CAMTA1: variants seen among roughly 807,000 people sequenced by gnomAD.
CAMTA1 encodes the protein calmodulin binding transcription activator 1.
CAMTA1 carries 27 observed loss-of-function variants against 170.9 expected under a neutral mutation model. The observed-to-expected ratio is 0.16, with a 90% CI of 0.12 to 0.22. CAMTA1 has a LOEUF of 0.22. Ranked by LOEUF, CAMTA1 falls within the 10% of genes least tolerant of loss-of-function variation. The pLI is 1.00. For synonymous variants in CAMTA1, 833 were observed against 891.5 expected (o/e 0.93, Z 1.17); for missense variants, 1,619 against 2,217.2 (o/e 0.73, Z 5.42).
chr1:7,726,437 T>C (rs79961838), intron 11 of CAMTA1, among the ~76,000 whole-genome samples: 3,474 of 149,376 alleles, frequency 0.023, 144 homozygotes, highest in African/African-American at 0.08. Context: ...TAGGGTATCA[T>C]TGCAACTAAC....
In CAMTA1 at chr1:7,281,799, TTGTGTGTGTGTGTG is replaced by T. The variant is rs57489369; in HGVS notation, c.438+32205_438+32218del. On this transcript the variant is annotated intron_variant, in intron 5 of 22. Transcript: ENST00000303635. ...TGTTGTTTATGGAAGGGGAAAGAAA[TTGTGTGTGTGTGTG>T]TGTGTGTGTGTGTGTGTGTGTGTGT... is the stretch of plus-strand genomic sequence containing the variant. Among the ~76,000 whole-genome samples, 456 of 139,300 alleles carry T rather than the reference TTGTGTGTGTGTGTG, an allele frequency of 3.3e-3. 1 individual carries two copies. Among genetic ancestry groups the T allele is most frequent in the East Asian group, 6.6e-3 (31 of 4,672 alleles). 91.4% of individuals were successfully genotyped at this position (139,300 alleles called of 152,430 possible).
Position 7,547,703 on chromosome 1 carries a change from T to A in CAMTA1, c.510+79802T>A, listed in dbSNP as rs915566821. On this transcript the variant is annotated intron_variant, in intron 6 of 22. Transcript: ENST00000303635. This position sits in a 1 kb window ranked among gnomAD's most constrained non-coding sequence, Gnocchi z 5.7. ...AAACATTATGAGACTTTTTTGCAAT[T>A]TTTTTTTTTTTTAGCTCATCAGCTA... Among the ~76,000 whole-genome samples the A allele has an allele frequency of 3.2e-5, 1 of 30,844 alleles. No homozygotes were observed. The highest frequency in any genetic ancestry group is 4.7e-5 in the Non-Finnish European group (1 of 21,086). 20.2% of individuals were successfully genotyped at this position (30,844 alleles called of 152,430 possible).
At chr1:7,689,165 G>C (rs900659279) in intron 11 of CAMTA1, among the ~76,000 whole-genome samples, 1 of 150,056 alleles carries the variant, frequency 6.7e-6, no homozygotes, top group African/African-American at 2.5e-5. Flanking sequence ...TACTCGGGAG[G>C]CTGAGGCAGG....
rs375407692 is a variant in CAMTA1, at chr1:7,534,163, T to C, written c.510+66262T>C. On this transcript the variant is annotated intron_variant, in intron 6 of 22. Transcript: ENST00000303635. The surrounding 1 kb of genome is among the most constrained non-coding windows in gnomAD (Gnocchi z 5.6). ...CCTCATATCTGCCAATACAAAGCCA[T>C]ACATCTTGGTGTGTGACAAATCACT... Among the ~76,000 whole-genome samples, 52 of 152,274 alleles carry C rather than the reference T, an allele frequency of 3.4e-4. 3 individuals are homozygous for C. The South Asian group carries it at 0.011, about 32-fold the overall frequency.
intron 9 of CAMTA1, among the ~76,000 whole-genome samples, chr1:7,666,735 C>T (rs1478270028): frequency 6.6e-6 from 1 of 152,186 alleles, no homozygotes; most frequent in Non-Finnish European, 1.5e-5. Flanking sequence ...CCCTTCTTCC[C>T]CGCTGGCAAA....
chr1:7,469,716 C>T (rs1386402136), intron 6 of CAMTA1, among the ~76,000 whole-genome samples: 1 of 152,230 alleles, frequency 6.6e-6, no homozygotes, highest in East Asian at 1.9e-4. Flanking sequence ...CGCCTGCCTC[C>T]CCTCATTCCA....
chr1:7,336,925 C>A (rs2083420508), intron 5 of CAMTA1, among the ~76,000 whole-genome samples: 1 of 152,230 alleles, frequency 6.6e-6, no homozygotes, highest in Non-Finnish European at 1.5e-5. Context: ...GGCCCCCTCC[C>A]TATCTTCCTC....
chr1:7,168,138 A>C (rs1439060315), intron 4 of CAMTA1, among the ~76,000 whole-genome samples: 3 of 152,188 alleles, frequency 2.0e-5, no homozygotes, highest in South Asian at 2.1e-4. Context: ...TATTTTAAAA[A>C]GTATATTTTC....
At chr1:7,291,157 A>G (rs974914013) in intron 5 of CAMTA1, among the ~76,000 whole-genome samples, 4 of 152,172 alleles carry the variant, frequency 2.6e-5, no homozygotes, top group Admixed American at 2.6e-4. Context: ...CTGAAAGCCT[A>G]GAAGGACCTT....
chr1:7,320,651 T>G lies in CAMTA1; in HGVS notation c.438+71025T>G, dbSNP rs556710110. Among the ~76,000 whole-genome samples, 644 of 92,038 alleles carry G rather than the reference T, an allele frequency of 7.0e-3. 7 individuals are homozygous for G. The highest frequency in any genetic ancestry group is 0.038 in the Admixed American group (348 of 9,152). The allele number at this position is 92,038 out of a possible 152,430, so 60.4% of individuals were successfully genotyped here. On this transcript the variant is annotated intron_variant, in intron 5 of 22. Transcript: ENST00000303635. Reference sequence around the variant, plus strand: ...TCCCCCTGGGCTGTGCTGTGTGTGTTTTTTTTTTTTTTTTTTTTTTTTTGC... The same window carrying G: ...TCCCCCTGGGCTGTGCTGTGTGTGTGTTTTTTTTTTTTTTTTTTTTTTTGC...
chr1:7,030,129 C>T (rs1199672111), intron 3 of CAMTA1, among the ~76,000 whole-genome samples: 1 of 152,174 alleles, frequency 6.6e-6, no homozygotes, highest in East Asian at 1.9e-4. Flanking sequence ...ACCCTACAAG[C>T]GGTACTTTCT....
At chr1:7,343,325 GTGAT>G (rs2083979158) in intron 5 of CAMTA1, among the ~76,000 whole-genome samples, 1 of 152,160 alleles carries the variant, frequency 6.6e-6, no homozygotes, top group African/African-American at 2.4e-5. Flanking sequence ...TGGCACACGG[GTGAT>G]TGATGACAAC....
intron 5 of CAMTA1, among the ~76,000 whole-genome samples, chr1:7,359,997 C>T (rs1302143730): frequency 1.3e-5 from 2 of 152,136 alleles, no homozygotes; most frequent in Non-Finnish European, 2.9e-5. Context: ...TGTCTTGAGC[C>T]TCTCCCCTGG....
chr1:6,966,089 T>G (rs1047543345), intron 3 of CAMTA1, among the ~76,000 whole-genome samples: 5 of 152,114 alleles, frequency 3.3e-5, no homozygotes, highest in Non-Finnish European at 7.4e-5. Context: ...GCCAGGTGCC[T>G]GTCACAGGCT....
At chr1:6,942,993 C>T (rs997696947) in intron 3 of CAMTA1, among the ~76,000 whole-genome samples, 9 of 152,198 alleles carry the variant, frequency 5.9e-5, no homozygotes, top group Non-Finnish European at 1.3e-4. Context: ...CCGGCTCCAG[C>T]TTCCAGTGAT....
intron 4 of CAMTA1, among the ~76,000 whole-genome samples, chr1:7,246,901 C>A (rs1479869800): frequency 6.6e-6 from 1 of 152,076 alleles, no homozygotes; most frequent in Non-Finnish European, 1.5e-5. Context: ...CTCCTGTCCT[C>A]AAGTGATCCA....
chr1:6,951,461 A>G (rs542960518), intron 3 of CAMTA1, among the ~76,000 whole-genome samples: 4 of 152,316 alleles, frequency 2.6e-5, no homozygotes, highest in Non-Finnish European at 4.4e-5. Flanking sequence ...AGCCTGGCAC[A>G]TATTGGATGC....
intron 4 of CAMTA1, among the ~76,000 whole-genome samples, chr1:7,191,263 T>C (rs979781743): frequency 6.6e-6 from 1 of 152,242 alleles, no homozygotes; most frequent in Non-Finnish European, 1.5e-5. Context: ...GAATTCTAGA[T>C]GTAAATGGAG....
chr1:7,500,279 C>CGT (rs1377102432), intron 6 of CAMTA1, among the ~76,000 whole-genome samples: 12,331 of 53,858 alleles, frequency 0.23, 4,723 homozygotes, highest in Middle Eastern at 0.36. Context: ...GGTGTGCGTG[C>CGT]ATATGTATAT....
Sources: gnomAD v4.1 joint callset for allele counts (sites outside exome capture counted in the v4.1 genomes callset) on GRCh38, gnomAD v4.1.1 for gene constraint, Gnocchi (gnomAD v3.1) non-coding constraint, MANE v1.5 for transcripts, NCBI Gene and HGNC (gene_info 2026-07-23, HGNC 2026-07-21) for gene names.